FANCC: variants seen among roughly 807,000 people sequenced by gnomAD.
The protein encoded by FANCC is Fanconi anemia group C protein.
FANCC carries 55 observed loss-of-function variants against 71.3 expected under a neutral mutation model. The observed-to-expected ratio is 0.77, with a 90% CI of 0.62 to 0.97. The LOEUF (loss-of-function observed/expected upper bound fraction) is 0.97. FANCC is among the 50% of genes least tolerant of loss of function. The probability of loss-of-function intolerance (pLI) is 0.00; values close to 1 mark genes in which losing one functional copy is unlikely to be tolerated. For synonymous variants in FANCC, 275 were observed against 244.9 expected (o/e 1.12, Z -1.15); for missense variants, 678 against 670.9 (o/e 1.01, Z -0.12).
intron 4 of FANCC, among the ~76,000 whole-genome samples, chr9:95,174,656 G>C (rs1267949662): frequency 6.6e-6 from 1 of 151,834 alleles, no homozygotes; most frequent in Non-Finnish European, 1.5e-5. Flanking sequence ...GGAAATATTT[G>C]ATCTTTAAAA....
chr9:95,182,754 A>C (rs1009370511), intron 4 of FANCC, among the ~76,000 whole-genome samples: 1 of 152,034 alleles, frequency 6.6e-6, no homozygotes, highest in African/African-American at 2.4e-5. Flanking sequence ...ATGAGTTCCA[A>C]CTGCTGGGTT....
chr9:95,195,500 A>G (rs1827396277), intron 4 of FANCC, among the ~76,000 whole-genome samples: 1 of 152,188 alleles, frequency 6.6e-6, no homozygotes, highest in African/African-American at 2.4e-5. Flanking sequence ...TCAATATCAC[A>G]GGATCTAATT....
chr9:95,173,987 T>A (rs400727), intron 4 of FANCC, among the ~76,000 whole-genome samples: 6 of 152,166 alleles, frequency 3.9e-5, no homozygotes, highest in South Asian at 2.1e-4. Flanking sequence ...AATGTTATAC[T>A]CAGAAATGAT....
At chr9:95,244,202 A>G (rs1020916844) in intron 3 of FANCC, among the ~76,000 whole-genome samples, 2 of 152,194 alleles carry the variant, frequency 1.3e-5, no homozygotes, top group African/African-American at 4.8e-5. Flanking sequence ...TCACATCTTC[A>G]AGTTTGCCCC....
chr9:95,245,421 CA>C (rs1367418025), intron 3 of FANCC, among the ~76,000 whole-genome samples: 1 of 151,854 alleles, frequency 6.6e-6, no homozygotes, highest in Non-Finnish European at 1.5e-5. Flanking sequence ...AGAATAGTAC[CA>C]AACCTTAAAT....
At chr9:95,119,248 G>A (rs936122091) in intron 10 of FANCC, among the ~76,000 whole-genome samples, 3 of 152,096 alleles carry the variant, frequency 2.0e-5, no homozygotes, top group Non-Finnish European at 4.4e-5. Context: ...TGGTTTCTTA[G>A]GCAGTTATAA....
At chr9:95,184,226 T>C (rs569803580) in intron 4 of FANCC, among the ~76,000 whole-genome samples, 1 of 152,304 alleles carries the variant, frequency 6.6e-6, no homozygotes, top group South Asian at 2.1e-4. Context: ...ATTTATGTTA[T>C]TATACTGGAA....
At chr9:95,175,125 G>A (rs1190080489) in intron 4 of FANCC, among the ~76,000 whole-genome samples, 1 of 151,950 alleles carries the variant, frequency 6.6e-6, no homozygotes, top group African/African-American at 2.4e-5. Context: ...TTCTCCCTGT[G>A]AGCTCACCCC....
chr9:95,253,976 C>T (rs1030331004), intron 1 of FANCC, among the ~76,000 whole-genome samples: 1 of 152,218 alleles, frequency 6.6e-6, no homozygotes. Context: ...GAGCGGAGCT[C>T]AACCAGTGAT....
At chr9:95,169,489 A>C (rs1310969973) in intron 6 of FANCC, among the ~76,000 whole-genome samples, 1 of 152,190 alleles carries the variant, frequency 6.6e-6, no homozygotes, top group Non-Finnish European at 1.5e-5. Context: ...TAGAGACAGA[A>C]ATCAGTTCCT....
intron 1 of FANCC, chr9:95,292,556 C>A (rs374505381): frequency 1.0e-5 from 15 of 1,475,370 alleles, no homozygotes; most frequent in South Asian, 4.8e-5. Context: ...AGTAGGTGAG[C>A]GAGCTGTCCC....
intron 6 of FANCC, among the ~76,000 whole-genome samples, chr9:95,168,652 TC>T (rs1413801442): frequency 7.9e-5 from 12 of 152,206 alleles, no homozygotes; most frequent in African/African-American, 1.2e-4. Context: ...TGCCTCAGCC[TC>T]CCGAGTAGCT....
chr9:95,126,509 A>C lies in FANCC; in HGVS notation c.896+20T>G. Reference sequence around the variant, plus strand: ...AACCTTTTTTACATCAATTACTAGAAGAAACAGTGTAACGTTTACCTGAAC... The same window carrying C: ...AACCTTTTTTACATCAATTACTAGACGAAACAGTGTAACGTTTACCTGAAC... On this transcript the variant is annotated intron_variant, in intron 9 of 14. Coordinates refer to ENST00000289081, the MANE Select transcript of FANCC (RefSeq NM_000136.3). The C allele has an allele frequency of 6.2e-7, 1 of 1,611,230 alleles. No individual in the cohort carries two copies. Among genetic ancestry groups the C allele is most frequent in the Non-Finnish European group, 8.5e-7 (1 of 1,177,422 alleles).
intron 4 of FANCC, among the ~76,000 whole-genome samples, chr9:95,233,220 A>C (rs1341023879): frequency 2.0e-5 from 3 of 152,164 alleles, no homozygotes; most frequent in Admixed American, 6.5e-5. Flanking sequence ...TAAAAAAAAA[A>C]ACCCTGAGGT....
At chr9:95,122,833 T>C (rs772363911) in intron 10 of FANCC, among the ~76,000 whole-genome samples, 5 of 152,124 alleles carry the variant, frequency 3.3e-5, no homozygotes, top group African/African-American at 4.8e-5. Context: ...CTACAAAGAA[T>C]GCACAAGGGA....
chr9:95,164,394 T>G (rs1830943119), intron 6 of FANCC, among the ~76,000 whole-genome samples: 1 of 152,194 alleles, frequency 6.6e-6, no homozygotes, highest in Non-Finnish European at 1.5e-5. Flanking sequence ...GGGAAAACAT[T>G]CCCTTTTTCA....
chr9:95,205,256 A>G (rs956769984), intron 4 of FANCC, among the ~76,000 whole-genome samples: 1 of 152,204 alleles, frequency 6.6e-6, no homozygotes, highest in African/African-American at 2.4e-5. Flanking sequence ...AAGGTATAGT[A>G]TACTATGACT....
intron 1 of FANCC, among the ~76,000 whole-genome samples, chr9:95,304,000 C>T (rs1834918332): frequency 6.6e-6 from 1 of 152,160 alleles, no homozygotes; most frequent in African/African-American, 2.4e-5. Context: ...CCACACCAGG[C>T]ACATCATCAT....
chr9:95,207,037 T>C (rs1352020940), intron 4 of FANCC, among the ~76,000 whole-genome samples: 1 of 152,012 alleles, frequency 6.6e-6, no homozygotes, highest in African/African-American at 2.4e-5. Flanking sequence ...GCATGTCTTC[T>C]CTGTAGGAGC....
Sources: allele counts gnomAD v4.1 joint callset (sites outside exome capture counted in the v4.1 genomes callset), GRCh38; gene constraint gnomAD v4.1.1; transcripts MANE v1.5; gene names NCBI Gene and HGNC (gene_info 2026-07-23, HGNC 2026-07-21).